The following GNA11 variants were observed in gnomAD, a reference collection of about 807,000 sequenced individuals.
GNA11 encodes the protein G protein subunit alpha 11.
In GNA11, 8 loss-of-function variants were observed where a neutral mutation model predicts 38.2. The ratio of observed to expected loss-of-function variants is 0.21; its 90% CI spans 0.12 to 0.38. GNA11 has a LOEUF of 0.38. Among genes scored for constraint, GNA11 ranks in the 10% least tolerant of loss-of-function variants. The pLI is 1.00. For synonymous variants in GNA11, 211 were observed against 221.4 expected (o/e 0.95, Z 0.42); for missense variants, 268 against 516.3 (o/e 0.52, Z 4.66).
chr19:3,123,022 GGGTT>G lies in GNA11; in HGVS notation c.*1847_*1850del, dbSNP rs1182586984. The G allele has an allele frequency of 4.3e-6, 1 of 233,228 alleles. No homozygotes were observed. Among genetic ancestry groups the G allele is most frequent in the Non-Finnish European group, 8.5e-6 (1 of 118,100 alleles). 14.4% of individuals were successfully genotyped at this position (233,228 alleles called of 1,614,324 possible). On this transcript the variant is annotated 3_prime_UTR_variant, in exon 7 of 7. Coordinates refer to ENST00000078429, the MANE Select transcript of GNA11 (RefSeq NM_002067.5). Reference sequence around the variant, plus strand: ...TTTTGTGCCAGGTGTCTACCTAAGAGGGTTGGTGCCAGAAGCCCCCCATGGCGAG... The same window carrying G: ...TTTTGTGCCAGGTGTCTACCTAAGAGGGTGCCAGAAGCCCCCCATGGCGAG...
chr19:3,119,793 C>T lies in GNA11; in HGVS notation c.889+434C>T, dbSNP rs548506715. Among the ~76,000 whole-genome samples the T allele has an allele frequency of 4.2e-4, 64 of 151,994 alleles. 1 individual carries two copies. Among genetic ancestry groups the T allele is most frequent in the African/African-American group, 1.5e-3 (61 of 41,434 alleles). On this transcript the variant is annotated intron_variant, in intron 6 of 6. Coordinates refer to ENST00000078429, the MANE Select transcript of GNA11 (RefSeq NM_002067.5). This position sits in a 1 kb window ranked among gnomAD's most constrained non-coding sequence, Gnocchi z 4.6. ...GGAGGGGTCTCACAGGAAGGGTTCACGCACACTGCCAGCGCAGCCCCGTGG... is the reference window on the plus strand; with the variant it reads ...GGAGGGGTCTCACAGGAAGGGTTCATGCACACTGCCAGCGCAGCCCCGTGG...
In GNA11 at chr19:3,119,468, G is replaced by A. The variant is rs1433578416; in HGVS notation, c.889+109G>A. On this transcript the variant is annotated intron_variant, in intron 6 of 6. Coordinates refer to ENST00000078429, the MANE Select transcript of GNA11 (RefSeq NM_002067.5). The surrounding 1 kb of genome is among the most constrained non-coding windows in gnomAD (Gnocchi z 4.6). ...CAGGCCGGGAGCTCTAAGGGAGGGC[G>A]TCTGATGGGAGGTGTCATGTATGGG... 2.1e-5 allele frequency: 20 copies of A among 954,192 alleles called. No homozygotes were observed. Among genetic ancestry groups the A allele is most frequent in the South Asian group, 6.4e-5 (4 of 62,544 alleles). The allele number at this position is 954,192 out of a possible 1,614,324, so 59.1% of individuals were successfully genotyped here. A position where few individuals can be genotyped will look rare whatever the true frequency, so the allele number is the denominator to read the frequency against.
chr19:3,097,374 C>CCGTACAG (rs1251625979), intron 1 of GNA11, among the ~76,000 whole-genome samples: 1 of 152,162 alleles, frequency 6.6e-6, no homozygotes, highest in Non-Finnish European at 1.5e-5. Flanking sequence ...CCCATGGCTC[C>CCGTACAG]CGTACAGCGT....
chr19:3,101,154 C>T (rs1008108482), intron 1 of GNA11, among the ~76,000 whole-genome samples: 3 of 152,086 alleles, frequency 2.0e-5, no homozygotes, highest in East Asian at 3.9e-4. Flanking sequence ...CCTGCAGGGA[C>T]GGAGTGGGGT....
At chr19:3,118,749 G>C in intron 4 of GNA11, 175 bp from the exon 5 acceptor site, 3 of 616,126 alleles carry the variant, frequency 4.9e-6, no homozygotes, top group Non-Finnish European at 8.6e-6. Flanking sequence ...CACCCCTGGA[G>C]GCGGTGCGGC....
chr19:3,116,262 G>T (rs1374322523), intron 4 of GNA11, among the ~76,000 whole-genome samples: 2 of 152,150 alleles, frequency 1.3e-5, no homozygotes, highest in Non-Finnish European at 2.9e-5. Context: ...AACATCTCCA[G>T]CGCTGAGGTC....
intron 1 of GNA11, among the ~76,000 whole-genome samples, chr19:3,105,947 A>G (rs1913629273): frequency 6.6e-6 from 1 of 152,090 alleles, no homozygotes; most frequent in Non-Finnish European, 1.5e-5. Flanking sequence ...GGACGAGTCC[A>G]GAGTGAGGCG....
At chr19:3,104,985 G>A (rs939381369) in intron 1 of GNA11, among the ~76,000 whole-genome samples, 6 of 151,928 alleles carry the variant, frequency 3.9e-5, no homozygotes, top group Admixed American at 2.0e-4. Flanking sequence ...TGCCCACGAC[G>A]GCCTCCTGGG....
At position 3,110,436 on chromosome 19, in the gene GNA11, G is replaced by A. The variant is rs955491239; in HGVS notation, c.321+103G>A. On this transcript the variant is annotated intron_variant, in intron 2 of 6. Transcript: ENST00000078429. The surrounding 1 kb of genome is among the most constrained non-coding windows in gnomAD (Gnocchi z 5.4). ...AGGGTGGGGCCATGCCGGGGGTCCC[G>A]GCCGGCCCAGGCTACCCCTGGTCAT... 30 of 847,504 alleles carry A rather than the reference G, an allele frequency of 3.5e-5. No individual in the cohort carries two copies. The highest frequency in any genetic ancestry group is 1.2e-4 in the Admixed American group (5 of 40,634). 52.5% of individuals were successfully genotyped at this position (847,504 alleles called of 1,614,324 possible).
At chr19:3,100,092 T>C (rs532032700) in intron 1 of GNA11, among the ~76,000 whole-genome samples, 58 of 152,252 alleles carry the variant, frequency 3.8e-4, no homozygotes, top group African/African-American at 1.4e-3. Flanking sequence ...TTGGGTGCTC[T>C]GAGAAACTGC....
chr19:3,095,169 A>G (rs982273402), intron 1 of GNA11, among the ~76,000 whole-genome samples: 6 of 151,882 alleles, frequency 4.0e-5, no homozygotes, highest in South Asian at 2.1e-4. Context: ...TTAACTGTTC[A>G]TGTTGGCACC....
Position 3,119,391 on chromosome 19 carries a change from G to A in GNA11, c.889+32G>A, listed in dbSNP as rs199975676. On this transcript the variant is annotated intron_variant, in intron 6 of 6. Transcript: ENST00000078429. This position sits in a 1 kb window ranked among gnomAD's most constrained non-coding sequence, Gnocchi z 4.6. Reference sequence around the variant, plus strand: ...CGGGCTGCGGCATGGGGAGGGGCTCGCGGGCAGGGCCTTACTGGGGGGAGG... The same window carrying A: ...CGGGCTGCGGCATGGGGAGGGGCTCACGGGCAGGGCCTTACTGGGGGGAGG... 215 of 1,606,474 alleles carry A rather than the reference G, an allele frequency of 1.3e-4. No individual in the cohort carries two copies. The highest frequency in any genetic ancestry group is 1.7e-4 in the Non-Finnish European group (203 of 1,175,250).
In GNA11 at chr19:3,110,378, G is replaced by T; in HGVS notation, c.321+45G>T. ...GGGAGGGGAGCGCCTGGGCAGCTGT[G>T]GGCTTGGTGGTGAGCATGGTGGCCG... is the stretch of plus-strand genomic sequence containing the variant. On this transcript the variant is annotated intron_variant, in intron 2 of 6. Coordinates refer to ENST00000078429, the MANE Select transcript of GNA11 (RefSeq NM_002067.5). The surrounding 1 kb of genome is among the most constrained non-coding windows in gnomAD (Gnocchi z 5.4). 6.6e-7 allele frequency: 1 copy of T among 1,520,026 alleles called. No individual in the cohort carries two copies. The allele number at this position is 1,520,026 out of a possible 1,614,324, so 94.2% of individuals were successfully genotyped here.
At chr19:3,095,671 G>C (rs1913346494) in intron 1 of GNA11, among the ~76,000 whole-genome samples, 1 of 152,112 alleles carries the variant, frequency 6.6e-6, no homozygotes, top group Non-Finnish European at 1.5e-5. Flanking sequence ...CCTCTCCTCA[G>C]GGTTCCGCTC....
rs7255425 is a variant in GNA11 at position 3,110,100 on chromosome 19, G to C, written c.137-49G>C. 6.8e-6 allele frequency: 10 copies of C among 1,477,030 alleles called. No homozygotes were observed. Among genetic ancestry groups the C allele is most frequent in the South Asian group, 1.2e-5 (1 of 81,834 alleles). 91.5% of individuals were successfully genotyped at this position (1,477,030 alleles called of 1,614,324 possible). A position where few individuals can be genotyped will look rare whatever the true frequency, so the allele number is the denominator to read the frequency against. ...TCTGGGTAAGAGGGGGCAGCAGCAC[G>C]AGAGTCAGGCCCCGGCTGCCGCCCG... On this transcript the variant is annotated intron_variant, in intron 1 of 6. Transcript: ENST00000078429. This position sits in a 1 kb window ranked among gnomAD's most constrained non-coding sequence, Gnocchi z 5.4.
chr19:3,096,391 G>A (rs967924608), intron 1 of GNA11, among the ~76,000 whole-genome samples: 7 of 152,218 alleles, frequency 4.6e-5, no homozygotes, highest in African/African-American at 1.2e-4. Flanking sequence ...TTTGTAGTGG[G>A]TCGTGGACTT....
intron 1 of GNA11, among the ~76,000 whole-genome samples, chr19:3,109,620 G>A (rs113072344): frequency 6.2e-4 from 95 of 152,338 alleles, no homozygotes; most frequent in African/African-American, 2.2e-3. Context: ...TTGGTGCGCA[G>A]GGGGCAGTGT....
chr19:3,118,241 C>T (rs1441714694), intron 4 of GNA11: 1 of 152,170 alleles, frequency 6.6e-6, no homozygotes, highest in African/African-American at 2.4e-5. Context: ...ACCAAAGTGC[C>T]TTTTCTCGTT....
rs1355747414 is a variant in GNA11 at position 3,110,443 on chromosome 19, C to T, written c.321+110C>T. 2.5e-6 allele frequency: 2 copies of T among 788,464 alleles called. No homozygotes were observed. Among genetic ancestry groups the T allele is most frequent in the African/African-American group, 1.7e-5 (1 of 57,612 alleles). The allele number at this position is 788,464 out of a possible 1,614,324, so 48.8% of individuals were successfully genotyped here. ...GGCCATGCCGGGGGTCCCGGCCGGC[C>T]CAGGCTACCCCTGGTCATCCATCCG... On this transcript the variant is annotated intron_variant, in intron 2 of 6. Transcript: ENST00000078429. This position sits in a 1 kb window ranked among gnomAD's most constrained non-coding sequence, Gnocchi z 5.4.
Sources: gnomAD v4.1 joint callset for allele counts (sites outside exome capture counted in the v4.1 genomes callset) on GRCh38, gnomAD v4.1.1 for gene constraint, Gnocchi (gnomAD v3.1) non-coding constraint, MANE v1.5 for transcripts, NCBI Gene and HGNC (gene_info 2026-07-23, HGNC 2026-07-21) for gene names.